The following NKAIN3 variants were observed in gnomAD, a reference collection of about 807,000 sequenced individuals.
The protein encoded by NKAIN3 is sodium/potassium transporting ATPase interacting 3.
NKAIN3 carries 25 observed loss-of-function variants against 30.2 expected under a neutral mutation model. The ratio of observed to expected loss-of-function variants is 0.83; its 90% CI spans 0.60 to 1.16. NKAIN3 has a LOEUF of 1.16. Among genes scored for constraint, NKAIN3 ranks in the 50% most tolerant of loss-of-function variants. The pLI is 0.00. For synonymous variants in NKAIN3, 91 were observed against 89.6 expected (o/e 1.02, Z -0.09); for missense variants, 225 against 254.1 (o/e 0.89, Z 0.78).
intron 1 of NKAIN3, among the ~76,000 whole-genome samples, chr8:62,356,580 G>T (rs150091814): frequency 6.6e-6 from 1 of 151,946 alleles, no homozygotes; most frequent in Admixed American, 6.6e-5. Context: ...GTATATCCTC[G>T]TCTTTATGGT....
chr8:62,703,268 G>C (rs534908238), intron 3 of NKAIN3, among the ~76,000 whole-genome samples: 1 of 151,778 alleles, frequency 6.6e-6, no homozygotes, highest in African/African-American at 2.4e-5. Flanking sequence ...CACTGTTTTT[G>C]GTCATCTTTC....
At chr8:62,726,513 G>C (rs995302571) in intron 3 of NKAIN3, among the ~76,000 whole-genome samples, 30 of 152,000 alleles carry the variant, frequency 2.0e-4, no homozygotes, top group African/African-American at 7.2e-4. Context: ...GAAGGATGTA[G>C]AATTTTATCA....
intron 5 of NKAIN3, among the ~76,000 whole-genome samples, chr8:62,947,006 G>T (rs1273223318): frequency 2.6e-5 from 4 of 152,182 alleles, no homozygotes; most frequent in Non-Finnish European, 4.4e-5. Context: ...ACTGGAAATG[G>T]CAGGTTTTCA....
intron 1 of NKAIN3, among the ~76,000 whole-genome samples, chr8:62,358,998 G>T (rs1269683859): frequency 3.3e-5 from 5 of 152,066 alleles, no homozygotes; most frequent in Non-Finnish European, 4.4e-5. Flanking sequence ...TGGCTAACAC[G>T]GTGAAACCCT....
At chr8:62,474,977 A>G (rs1167239882) in intron 1 of NKAIN3, among the ~76,000 whole-genome samples, 2 of 152,348 alleles carry the variant, frequency 1.3e-5, no homozygotes, top group East Asian at 1.9e-4. Context: ...TTAAGCATAC[A>G]TATTGTAATT....
At chr8:62,796,782 T>TCACAAATACACACACACA (rs1817873972) in intron 4 of NKAIN3, among the ~76,000 whole-genome samples, 1 of 30,336 alleles carries the variant, frequency 3.3e-5, no homozygotes, top group Non-Finnish European at 8.6e-5. Context: ...AGTTTTTGTA[T>TCACAAATACACACACACA]CACACATACA....
chr8:62,498,804 C>T (rs1055805364), intron 1 of NKAIN3, among the ~76,000 whole-genome samples: 5 of 151,754 alleles, frequency 3.3e-5, no homozygotes, highest in Admixed American at 6.6e-5. Flanking sequence ...GCTCAGACCC[C>T]GTCAATCTCA....
chr8:62,659,449 A>C (rs1278269691), intron 3 of NKAIN3, among the ~76,000 whole-genome samples: 1 of 152,234 alleles, frequency 6.6e-6, no homozygotes, highest in Non-Finnish European at 1.5e-5. Flanking sequence ...AGAGCCTTAC[A>C]TACATTAAAC....
chr8:62,689,816 C>T (rs1813907511), intron 3 of NKAIN3, among the ~76,000 whole-genome samples: 1 of 151,866 alleles, frequency 6.6e-6, no homozygotes, highest in Non-Finnish European at 1.5e-5. Context: ...AGATGAGTTT[C>T]CCAATAAAGA....
intron 3 of NKAIN3, among the ~76,000 whole-genome samples, chr8:62,646,572 G>C (rs1325361148): frequency 6.6e-6 from 1 of 152,082 alleles, no homozygotes; most frequent in Non-Finnish European, 1.5e-5. Flanking sequence ...ATAAACCACT[G>C]TATTTATCCA....
chr8:62,871,590 A>AC (rs1820648268), intron 4 of NKAIN3, among the ~76,000 whole-genome samples: 1 of 152,220 alleles, frequency 6.6e-6, no homozygotes, highest in Admixed American at 6.5e-5. Context: ...TCATTTTATA[A>AC]CTGCAGAGGG....
intron 3 of NKAIN3, among the ~76,000 whole-genome samples, chr8:62,739,903 A>T (rs887267395): frequency 6.6e-6 from 1 of 152,214 alleles, no homozygotes; most frequent in African/African-American, 2.4e-5. Flanking sequence ...TGACTTGCTC[A>T]TAAATTGCAG....
intron 3 of NKAIN3, among the ~76,000 whole-genome samples, chr8:62,616,961 C>T (rs1811473335): frequency 6.6e-6 from 1 of 152,200 alleles, no homozygotes; most frequent in Non-Finnish European, 1.5e-5. Flanking sequence ...AGCACCATCA[C>T]ATTGGTGATG....
intron 5 of NKAIN3, among the ~76,000 whole-genome samples, chr8:62,935,711 G>T (rs1054476190): frequency 2.6e-5 from 4 of 152,068 alleles, no homozygotes; most frequent in African/African-American, 9.7e-5. Flanking sequence ...TTTAAATATT[G>T]AGTGATAATA....
rs1480324412 is a variant in NKAIN3 at position 62,968,780 on chromosome 8, TC to T, written c.*3374del. ...ATGATGCATCCTTTCTTAAGCGTCTTCTGCTGACCTCGTGCAGCACCGCAGG... is the reference window on the plus strand; with the variant it reads ...ATGATGCATCCTTTCTTAAGCGTCTTTGCTGACCTCGTGCAGCACCGCAGG... On this transcript the variant is annotated 3_prime_UTR_variant, in exon 7 of 7. Coordinates refer to ENST00000623646, the MANE Select transcript of NKAIN3 (RefSeq NM_001304533.3). Among the ~76,000 whole-genome samples, 1 of 152,198 alleles carries T rather than the reference TC, an allele frequency of 6.6e-6. No individual in the cohort carries two copies.
intron 4 of NKAIN3, among the ~76,000 whole-genome samples, chr8:62,903,335 ACAGTAGGAG>A (rs1183417738): frequency 6.6e-6 from 1 of 152,156 alleles, no homozygotes; most frequent in African/African-American, 2.4e-5. Context: ...TCCTGAAGGA[ACAGTAGGAG>A]CAGCTTGATT....
At chr8:62,357,387 C>A (rs1816395576) in intron 1 of NKAIN3, among the ~76,000 whole-genome samples, 1 of 152,136 alleles carries the variant, frequency 6.6e-6, no homozygotes, top group Non-Finnish European at 1.5e-5. Context: ...GCACTCCAGC[C>A]TGGGCAACAG....
At position 62,705,910 on chromosome 8, in the gene NKAIN3, G is replaced by A. The variant is rs1814504501; in HGVS notation, c.274-41022G>A. Among the ~76,000 whole-genome samples the A allele has an allele frequency of 1.3e-5, 2 of 151,900 alleles. 1 individual carries two copies. The highest frequency in any genetic ancestry group is 2.9e-5 in the Non-Finnish European group (2 of 67,982). On this transcript the variant is annotated intron_variant, in intron 3 of 6. Transcript: ENST00000623646. The stretch of plus-strand genomic sequence containing the variant: ...GTTTGTTTTGATCTTTATGGCAGGA[G>A]CCTTTCCACAGGTTTTTCTCATCTT...
chr8:62,577,595 G>A lies in NKAIN3; in HGVS notation c.55-1944G>A, dbSNP rs1425001720. Reference sequence around the variant, plus strand: ...TTGGACATTTAAAAAATACATATTTGTATCACTGATGGCCCTATAAATAAA... The same window carrying A: ...TTGGACATTTAAAAAATACATATTTATATCACTGATGGCCCTATAAATAAA... On this transcript the variant is annotated intron_variant, in intron 1 of 6. Coordinates refer to ENST00000623646, the MANE Select transcript of NKAIN3 (RefSeq NM_001304533.3). Among the ~76,000 whole-genome samples, 4 of 111,564 alleles carry A rather than the reference G, an allele frequency of 3.6e-5. No individual in the cohort carries two copies. In the East Asian group the frequency reaches 8.6e-4, roughly 24 times the overall value. 73.2% of individuals were successfully genotyped at this position (111,564 alleles called of 152,430 possible).
Sources: gnomAD v4.1 joint callset for allele counts (sites outside exome capture counted in the v4.1 genomes callset) on GRCh38, gnomAD v4.1.1 for gene constraint, MANE v1.5 for transcripts, NCBI Gene and HGNC (gene_info 2026-07-23, HGNC 2026-07-21) for gene names.